Variants in TAFA1 observed in about 807,000 individuals in gnomAD.
TAFA1 encodes the protein chemokine-like protein TAFA-1.
In TAFA1, 4 loss-of-function variants were observed where a neutral mutation model predicts 18.5. The observed-to-expected ratio is 0.22, with a 90% CI of 0.11 to 0.49. The LOEUF (loss-of-function observed/expected upper bound fraction) is 0.49. TAFA1 is among the 20% of genes least tolerant of loss of function. The pLI, the probability that TAFA1 is intolerant of heterozygous loss-of-function variation, is 0.98. For missense variants in TAFA1, 147 were observed against 169.0 expected, an observed-to-expected ratio of 0.87 and a Z score of 0.72; for synonymous variants, 56 against 55.2, an observed-to-expected ratio of 1.01 and a Z score of -0.06.
chr3:68,061,964 GA>G (rs764581061), intron 2 of TAFA1, among the ~76,000 whole-genome samples: 8 of 151,806 alleles, frequency 5.3e-5, no homozygotes, highest in Non-Finnish European at 8.8e-5. Context: ...TACCTCAAAC[GA>G]TATGGTTTTT....
chr3:68,009,460 G>C (rs981269519), intron 2 of TAFA1, among the ~76,000 whole-genome samples: 1 of 152,100 alleles, frequency 6.6e-6, no homozygotes, highest in South Asian at 2.1e-4. Context: ...CAACCAATGC[G>C]TGGTTGATCT....
At chr3:68,312,794 A>C (rs189508964) in intron 2 of TAFA1, among the ~76,000 whole-genome samples, 2 of 152,190 alleles carry the variant, frequency 1.3e-5, no homozygotes, top group African/African-American at 4.8e-5. Context: ...GTATCTTTTC[A>C]TCAGCACCCC....
intron 3 of TAFA1, among the ~76,000 whole-genome samples, chr3:68,454,056 A>G (rs2071613876): frequency 6.6e-6 from 1 of 152,208 alleles, no homozygotes; most frequent in African/African-American, 2.4e-5. Flanking sequence ...ACCTACAGCA[A>G]CTTGTAAATT....
intron 2 of TAFA1, among the ~76,000 whole-genome samples, chr3:68,086,390 T>C (rs2064970519): frequency 6.6e-6 from 1 of 152,218 alleles, no homozygotes; most frequent in Non-Finnish European, 1.5e-5. Flanking sequence ...TTGCAGAAGT[T>C]CTCTTCTTTC....
At position 68,233,854 on chromosome 3, in the gene TAFA1, A is replaced by G. The variant is rs1028188169; in HGVS notation, c.119-183426A>G. 2.0e-5 allele frequency among the ~76,000 whole-genome samples: 3 copies of G among 152,130 alleles called. No homozygotes were observed. The East Asian group carries it at 5.8e-4, about 29-fold the overall frequency. On this transcript the variant is annotated intron_variant, in intron 2 of 4. Transcript: ENST00000478136. The stretch of plus-strand genomic sequence containing the variant: ...ATAGGGCTTACATACATCTTCTTGC[A>G]TCTTTTTTGTCTGTGGTCTCACTCC...
intron 2 of TAFA1, among the ~76,000 whole-genome samples, chr3:68,180,663 T>C (rs1245627455): frequency 6.6e-6 from 1 of 152,344 alleles, no homozygotes; most frequent in Non-Finnish European, 1.5e-5. Flanking sequence ...CCCTTATTTT[T>C]CTTGGCAACT....
rs530444980 is a variant in TAFA1, at chr3:68,129,999, T to C, written c.118+123255T>C. 1.1e-4 allele frequency among the ~76,000 whole-genome samples: 16 copies of C among 152,292 alleles called. No homozygotes were observed. The South Asian group carries it at 1.7e-3, about 16-fold the overall frequency. On this transcript the variant is annotated intron_variant, in intron 2 of 4. Coordinates refer to ENST00000478136, the MANE Select transcript of TAFA1 (RefSeq NM_213609.4). The stretch of plus-strand genomic sequence containing the variant: ...ACTATAAAACACTAATTTTCACACT[T>C]CTTTGAGCAAAATTTTATACACAGG...
At chr3:68,141,663 T>A (rs1394736768) in intron 2 of TAFA1, among the ~76,000 whole-genome samples, 1 of 152,188 alleles carries the variant, frequency 6.6e-6, no homozygotes, top group Non-Finnish European at 1.5e-5. Context: ...AGTGAAAGGA[T>A]GTAGGCTTGG....
At chr3:68,255,631 A>C (rs2067283163) in intron 2 of TAFA1, among the ~76,000 whole-genome samples, 1 of 152,130 alleles carries the variant, frequency 6.6e-6, no homozygotes, top group Admixed American at 6.6e-5. Context: ...CACTAATAGA[A>C]AACCAAAGCC....
Position 68,370,735 on chromosome 3 carries a change from G to A in TAFA1, c.119-46545G>A, listed in dbSNP as rs539834556. Among the ~76,000 whole-genome samples the A allele has an allele frequency of 1.8e-3, 262 of 148,052 alleles. 3 individuals are homozygous for A. The highest frequency in any genetic ancestry group is 6.2e-3 in the African/African-American group (250 of 40,504). ...CCACAAAAGTACTCCTAGACAATTGGAGAATGACTGTTCTCTTTGTTAAAC... is the reference window on the plus strand; with the variant it reads ...CCACAAAAGTACTCCTAGACAATTGAAGAATGACTGTTCTCTTTGTTAAAC... On this transcript the variant is annotated intron_variant, in intron 2 of 4. Coordinates refer to ENST00000478136, the MANE Select transcript of TAFA1 (RefSeq NM_213609.4).
intron 2 of TAFA1, among the ~76,000 whole-genome samples, chr3:68,053,569 G>T (rs1333698858): frequency 1.3e-5 from 2 of 152,008 alleles, no homozygotes; most frequent in East Asian, 1.9e-4. Context: ...ATCTGCCTCT[G>T]CTCTTCATTT....
At chr3:68,374,134 A>T (rs1013824360) in intron 2 of TAFA1, among the ~76,000 whole-genome samples, 9 of 152,124 alleles carry the variant, frequency 5.9e-5, no homozygotes. Context: ...CTCATCCCAC[A>T]TGGTGAAACG....
intron 2 of TAFA1, among the ~76,000 whole-genome samples, chr3:68,045,879 G>A (rs907790624): frequency 7.9e-5 from 12 of 152,178 alleles, no homozygotes; most frequent in African/African-American, 2.4e-4. Context: ...TTGTACTTTC[G>A]AAAAGACTTT....
At chr3:68,543,498 G>A (rs1193701336) in intron 4 of TAFA1, among the ~76,000 whole-genome samples, 1 of 152,086 alleles carries the variant, frequency 6.6e-6, no homozygotes, top group Non-Finnish European at 1.5e-5. Flanking sequence ...AAACGAGGAG[G>A]TAGAAGACCC....
At chr3:68,108,389 T>C (rs2065226649) in intron 2 of TAFA1, among the ~76,000 whole-genome samples, 1 of 152,094 alleles carries the variant, frequency 6.6e-6, no homozygotes. Flanking sequence ...CTATGAAATA[T>C]TCAATGTAAT....
intron 2 of TAFA1, among the ~76,000 whole-genome samples, chr3:68,378,806 C>T (rs561545176): frequency 7.9e-5 from 12 of 152,166 alleles, no homozygotes; most frequent in South Asian, 6.2e-4. Flanking sequence ...TGTTTCGTTT[C>T]GTAAGCAAAG....
At chr3:67,998,352 A>C in the TAFA1 span, among the ~76,000 whole-genome samples, 3 of 152,192 alleles carry the variant, frequency 2.0e-5, no homozygotes, top group African/African-American at 7.2e-5. Context: ...TTATGCCCTC[A>C]ATATTCATTC....
chr3:68,071,981 G>T (rs919555482), intron 2 of TAFA1, among the ~76,000 whole-genome samples: 4 of 151,832 alleles, frequency 2.6e-5, no homozygotes, highest in Admixed American at 1.3e-4. Flanking sequence ...ATAAAATTTG[G>T]GTAAGGACAA....
At chr3:68,325,092 C>A (rs1483179532) in intron 2 of TAFA1, among the ~76,000 whole-genome samples, 4 of 152,170 alleles carry the variant, frequency 2.6e-5, no homozygotes, top group African/African-American at 7.2e-5. Flanking sequence ...CTGTCTCTCT[C>A]TCTTCAATTT....
Sources: gnomAD v4.1 joint callset for allele counts (sites outside exome capture counted in the v4.1 genomes callset) on GRCh38, gnomAD v4.1.1 for gene constraint, MANE v1.5 for transcripts, NCBI Gene and HGNC (gene_info 2026-07-23, HGNC 2026-07-21) for gene names.